The following EPHA4 variants were observed in gnomAD, a reference collection of about 807,000 sequenced individuals.
The protein encoded by EPHA4 is ephrin type-A receptor 4.
In EPHA4, 19 loss-of-function variants were observed where a neutral mutation model predicts 108.3. The ratio of observed to expected loss-of-function variants is 0.18; its 90% CI spans 0.12 to 0.26. The LOEUF (loss-of-function observed/expected upper bound fraction) is 0.26. Ranked by LOEUF, EPHA4 falls within the 10% of genes least tolerant of loss-of-function variation. The pLI, the probability that EPHA4 is intolerant of heterozygous loss-of-function variation, is 1.00. For missense variants in EPHA4, 917 were observed against 1,254.0 expected, an observed-to-expected ratio of 0.73 and a Z score of 4.06; for synonymous variants, 449 against 455.5, an observed-to-expected ratio of 0.99 and a Z score of 0.18.
intron 3 of EPHA4, among the ~76,000 whole-genome samples, chr2:221,504,645 A>G (rs1020811162): frequency 1.3e-5 from 2 of 152,088 alleles, no homozygotes; most frequent in Non-Finnish European, 1.5e-5. Flanking sequence ...TTTTAAAACT[A>G]AATTAGTGCC....
At position 221,543,521 on chromosome 2, in the gene EPHA4, T is replaced by G. The variant is rs1027087108; in HGVS notation, c.823+20210A>C. Among the ~76,000 whole-genome samples, 3 of 152,166 alleles carry G rather than the reference T, an allele frequency of 2.0e-5. No individual in the cohort carries two copies. The East Asian group carries it at 5.8e-4, about 29-fold the overall frequency. On this transcript the variant is annotated intron_variant, in intron 3 of 17. Transcript: ENST00000281821. ...ATACATACAAAATTAATTTGCGATT[T>G]TTTACTAAACCTGATAACCTTATGA...
chr2:221,510,107 C>A (rs150534381), intron 3 of EPHA4, among the ~76,000 whole-genome samples: 611 of 152,222 alleles, frequency 4.0e-3, no homozygotes, highest in Admixed American at 6.3e-3. Context: ...TGGAAATGAC[C>A]AATGGATTTT....
intron 5 of EPHA4, 41 bp from the exon 6 acceptor site, chr2:221,458,031 G>A (rs1691018287): frequency 1.9e-6 from 3 of 1,588,106 alleles, no homozygotes; most frequent in Non-Finnish European, 2.6e-6. Context: ...TTTTCTTTAG[G>A]AAAATAAATG....
intron 5 of EPHA4, among the ~76,000 whole-genome samples, chr2:221,459,184 T>C (rs115286521): frequency 0.035 from 5,397 of 152,104 alleles, 144 homozygotes; most frequent in Non-Finnish European, 0.052. Context: ...AGACACACCA[T>C]AGTCACACAA....
chr2:221,492,296 C>A (rs1033563046), intron 4 of EPHA4, among the ~76,000 whole-genome samples: 1 of 151,988 alleles, frequency 6.6e-6, no homozygotes, highest in Admixed American at 6.6e-5. Context: ...CCAGTGGAAT[C>A]CATAATGGGC....
chr2:221,570,325 C>A (rs201524949), intron 1 of EPHA4, among the ~76,000 whole-genome samples: 13 of 117,814 alleles, frequency 1.1e-4, no homozygotes, highest in East Asian at 4.8e-4. Flanking sequence ...TCCCCCCCCC[C>A]CAAAAAAAGA....
chr2:221,470,973 T>C (rs1383362472), intron 5 of EPHA4, among the ~76,000 whole-genome samples: 4 of 152,092 alleles, frequency 2.6e-5, no homozygotes, highest in Non-Finnish European at 4.4e-5. Flanking sequence ...AGAATTGTAT[T>C]TTTATTTTAT....
intron 11 of EPHA4, among the ~76,000 whole-genome samples, chr2:221,439,491 C>CTTTTT (rs1175226553): frequency 4.9e-5 from 7 of 143,812 alleles, no homozygotes; most frequent in African/African-American, 1.8e-4. Flanking sequence ...CTTTTCTTTT[C>CTTTTT]TTTTTTTTTT....
intron 3 of EPHA4, among the ~76,000 whole-genome samples, chr2:221,543,864 G>A (rs1015738749): frequency 2.0e-5 from 3 of 152,058 alleles, no homozygotes; most frequent in South Asian, 2.1e-4. Flanking sequence ...TCATCTGTTC[G>A]GGCTGCTATA....
At chr2:221,501,636 C>T (rs895390901) in intron 3 of EPHA4, among the ~76,000 whole-genome samples, 1 of 152,082 alleles carries the variant, frequency 6.6e-6, no homozygotes, top group Non-Finnish European at 1.5e-5. Flanking sequence ...AGTGTTCTGC[C>T]CTCAAAGCCT....
At chr2:221,431,013 C>T (rs149508065) in intron 14 of EPHA4, among the ~76,000 whole-genome samples, 28 of 152,308 alleles carry the variant, frequency 1.8e-4, no homozygotes, top group African/African-American at 6.5e-4. Context: ...AATCTGTCTT[C>T]ACAGGCATTA....
At chr2:221,523,582 T>C (rs373648462) in intron 3 of EPHA4, among the ~76,000 whole-genome samples, 1,725 of 141,478 alleles carry the variant, frequency 0.012, 19 homozygotes, top group East Asian at 0.034. Context: ...CCACCGTGCC[T>C]GGCCAGAATA....
chr2:221,487,221 T>C (rs1001193442), intron 4 of EPHA4, among the ~76,000 whole-genome samples: 5 of 152,196 alleles, frequency 3.3e-5, no homozygotes, highest in Admixed American at 6.5e-5. Context: ...TTTGATAACT[T>C]CCTGATAGTT....
chr2:221,535,364 T>C (rs1394549628), intron 3 of EPHA4, among the ~76,000 whole-genome samples: 1 of 152,220 alleles, frequency 6.6e-6, no homozygotes, highest in Non-Finnish European at 1.5e-5. Context: ...CCACTAGGGT[T>C]CATCATCAGA....
intron 2 of EPHA4, among the ~76,000 whole-genome samples, chr2:221,566,878 G>A (rs7586708): frequency 0.35 from 8,259 of 23,550 alleles, 832 homozygotes; most frequent in Middle Eastern, 0.38. Context: ...GAAGAAGAAG[G>A]AGAAGGAGAA....
At chr2:221,562,809 A>G (rs576120177) in intron 3 of EPHA4, among the ~76,000 whole-genome samples, 7 of 152,288 alleles carry the variant, frequency 4.6e-5, no homozygotes, top group African/African-American at 1.4e-4. Flanking sequence ...CTCATCTCTT[A>G]CTCAGATATA....
intron 3 of EPHA4, among the ~76,000 whole-genome samples, chr2:221,515,963 A>G (rs1310915309): frequency 1.3e-5 from 2 of 151,532 alleles, no homozygotes. Flanking sequence ...TTGAAGGGAA[A>G]AAAAAAAAAA....
intron 5 of EPHA4, among the ~76,000 whole-genome samples, chr2:221,472,832 A>G (rs1306208149): frequency 6.6e-6 from 1 of 152,202 alleles, no homozygotes; most frequent in African/African-American, 2.4e-5. Context: ...GTACTTTTTC[A>G]TAACAAAACA....
At chr2:221,492,069 C>A (rs779884580) in intron 4 of EPHA4, among the ~76,000 whole-genome samples, 1 of 152,062 alleles carries the variant, frequency 6.6e-6, no homozygotes, top group Non-Finnish European at 1.5e-5. Context: ...TGTAATTAAC[C>A]TTGTTTCATA....
Sources: gnomAD v4.1 joint callset for allele counts (sites outside exome capture counted in the v4.1 genomes callset) on GRCh38, gnomAD v4.1.1 for gene constraint, MANE v1.5 for transcripts, NCBI Gene and HGNC (gene_info 2026-07-23, HGNC 2026-07-21) for gene names.